Variants in BCORL1 observed in about 807,000 individuals in gnomAD.
The protein encoded by BCORL1 is BCL-6 corepressor-like protein 1.
BCORL1 carries 7 observed loss-of-function variants against 87.6 expected under a neutral mutation model. That is an observed-to-expected ratio of 0.08 (90% CI 0.05 to 0.15). The LOEUF (loss-of-function observed/expected upper bound fraction) is 0.15. Among genes scored for constraint, BCORL1 ranks in the 10% least tolerant of loss-of-function variants. The pLI is 1.00. For missense variants in BCORL1, 1,215 were observed against 1,499.7 expected, an observed-to-expected ratio of 0.81 and a Z score of 3.13; for synonymous variants, 591 against 634.4, an observed-to-expected ratio of 0.93 and a Z score of 1.03.
chrX:130,049,070 AC>A (rs1931924522), intron 11 of BCORL1, among the ~76,000 whole-genome samples: 1 of 112,405 alleles, frequency 8.9e-6, no homozygotes, highest in Admixed American at 9.4e-5. Context: ...GGCTATGTCC[AC>A]CTTTTGGCTG....
chrX:130,052,112 G>A, intron 13 of BCORL1, 96 bp downstream of exon 13: 3 of 907,437 alleles, frequency 3.3e-6, no homozygotes, highest in Non-Finnish European at 3.0e-6. Flanking sequence ...ACCTGGCAAC[G>A]AGTGCCATCA....
rs1025355511 is a variant in BCORL1 at position 130,013,576 on chromosome X, C to T, written c.804C>T (p.Leu268=). 3 of 1,209,308 alleles carry T rather than the reference C, an allele frequency of 2.5e-6. No homozygotes were observed. The highest frequency in any genetic ancestry group is 3.5e-5 in the African/African-American group (2 of 57,001). ...LAPAPPSVPT[L]ISDSNPLSVS... ...CAGCGCCACCGTCAGTGCCCACGCTCATCTCTGACTCGAACCCCCTTTCTG... is the reference window on the plus strand; with the variant it reads ...CAGCGCCACCGTCAGTGCCCACGCTTATCTCTGACTCGAACCCCCTTTCTG... The change falls in exon 4 of 14, where the codon CTC becomes CTT. Residue 268 remains leucine, a synonymous_variant. Coordinates refer to ENST00000540052, the MANE Select transcript of BCORL1 (RefSeq NM_001379451.1).
chrX:130,050,193 A>G (rs1569392730), intron 11 of BCORL1, among the ~76,000 whole-genome samples: 1 of 110,567 alleles, frequency 9.0e-6, no homozygotes, highest in Non-Finnish European at 1.9e-5. Flanking sequence ...GCACTTTGGG[A>G]GGCCGAGGTG....
chrX:130,039,022 C>T, intron 10 of BCORL1, 115 bp from the exon 11 acceptor site: 1 of 852,899 alleles, frequency 1.2e-6, no homozygotes, highest in Non-Finnish European at 1.7e-6. Flanking sequence ...AACCATATTA[C>T]ACCAAGGTTA....
At chrX:130,034,322 G>C in intron 8 of BCORL1, 133 bp from the exon 9 acceptor site, 1 of 405,914 alleles carries the variant, frequency 2.5e-6, no homozygotes, top group African/African-American at 2.6e-5. Flanking sequence ...GGCCATTTAG[G>C]GTAGTGTAAG....
chrX:129,998,018 T>TC lies in BCORL1; in HGVS notation c.-44-7167dup, dbSNP rs1420280082. Among the ~76,000 whole-genome samples the TC allele has an allele frequency of 8.5e-5, 9 of 105,284 alleles. 1 individual carries two copies. Among genetic ancestry groups the TC allele is most frequent in the Non-Finnish European group, 1.5e-4 (8 of 51,658 alleles). The allele number at this position is 105,284 out of a possible 115,157, so 91.4% of individuals were successfully genotyped here. On this transcript the variant is annotated intron_variant, in intron 1 of 13. Coordinates refer to ENST00000540052, the MANE Select transcript of BCORL1 (RefSeq NM_001379451.1). ...ATATATATATATATGTATTTTTTTT[T>TC]CCCAGCCACACTTATGGCTTTGGAT...
chrX:130,026,924 G>A (rs1361217677), intron 7 of BCORL1, among the ~76,000 whole-genome samples: 1 of 113,626 alleles, frequency 8.8e-6, no homozygotes, highest in Non-Finnish European at 1.9e-5. Context: ...ATTTGGCAAA[G>A]GCCAAATGAG....
rs1479275097 is a variant in BCORL1, at chrX:130,056,132, G to C, written c.5354G>C (p.Ser1785Thr). Residue 1785 changes from serine (S) to threonine (T), a missense_variant, in exon 14 of 14, where the codon AGT becomes ACT. By Grantham distance (58) the Ser-to-Thr change is moderately conservative. Coordinates refer to ENST00000540052, the MANE Select transcript of BCORL1 (RefSeq NM_001379451.1). ...GSEVEFQSCN[S>T] ...GAGGTGGAATTCCAGTCTTGCAACA[G>C]TTGACCGGGAAAACAGCCCCTCCTC... 1 of 1,165,703 alleles carries C rather than the reference G, an allele frequency of 8.6e-7. No individual in the cohort carries two copies. The highest frequency in any genetic ancestry group is 1.1e-6 in the Non-Finnish European group (1 of 871,405).
In BCORL1 at chrX:130,013,542, C is replaced by T. The variant is rs1039363927; in HGVS notation, c.770C>T (p.Ala257Val). 2.5e-6 allele frequency: 3 copies of T among 1,209,241 alleles called. No homozygotes were observed. The highest frequency in any genetic ancestry group is 2.2e-6 in the Non-Finnish European group (2 of 895,043). Reference sequence around the variant, plus strand: ...TCCCCTCCCTTAGCACCTGTCCCGGCTCTGGCTCCAGCGCCACCGTCAGTG... The same window carrying T: ...TCCCCTCCCTTAGCACCTGTCCCGGTTCTGGCTCCAGCGCCACCGTCAGTG... ...APSPPLAPVP[A>V]LAPAPPSVPT... The change falls in exon 4 of 14, where the codon GCT becomes GTT. Residue 257 changes from alanine to valine, a missense_variant. Ala to Val is a moderately conservative substitution (Grantham distance 64). This residue lies in a region of BCORL1 where 861 missense variants were observed against 1,010.0 expected (regional missense o/e 0.85). Transcript: ENST00000540052.
intron 1 of BCORL1, among the ~76,000 whole-genome samples, chrX:129,989,279 G>C (rs1305474500): frequency 1.9e-5 from 2 of 104,399 alleles, no homozygotes; most frequent in African/African-American, 7.0e-5. Flanking sequence ...GGGACTACAG[G>C]CGCCCGCCAC....
chrX:130,009,334 G>C lies in BCORL1; in HGVS notation c.87-3244G>C, dbSNP rs888692931. On this transcript the variant is annotated intron_variant, in intron 2 of 13. Transcript: ENST00000540052. ...ACAAAACTTAGCTGGGCGTGGTGGC[G>C]CATGCCTGTAATCCCAGCTACTCGG... Among the ~76,000 whole-genome samples the C allele has an allele frequency of 2.7e-5, 3 of 110,927 alleles. No individual in the cohort carries two copies. The Admixed American group carries it at 2.9e-4, about 11-fold the overall frequency.
rs1245711648 is a variant in BCORL1, at chrX:130,055,872, C to T, written c.5094C>T (p.Leu1698=). Residue 1698 remains leucine (L), a synonymous_variant, in exon 14 of 14, where the codon CTC becomes CTT. Transcript: ENST00000540052. ...SVSRGPCNWF[L]FSDVLKRLKL... is the part of the protein sequence containing the mutation. ...TTTGCAGGCCCTGCAACTGGTTCCT[C>T]TTTTCCGATGTCTTGAAGAGGCTGA... is the stretch of plus-strand genomic sequence containing the variant. 1 of 1,207,980 alleles carries T rather than the reference C, an allele frequency of 8.3e-7. No individual in the cohort carries two copies. The highest frequency in any genetic ancestry group is 3.0e-5 in the East Asian group (1 of 33,846).
chrX:130,041,775 C>T (rs749725302), intron 11 of BCORL1, among the ~76,000 whole-genome samples: 2 of 110,185 alleles, frequency 1.8e-5, no homozygotes, highest in Non-Finnish European at 3.8e-5. Context: ...TACAGGCACC[C>T]GCCACCAAGC....
At chrX:129,995,745 G>A (rs958374528) in intron 1 of BCORL1, among the ~76,000 whole-genome samples, 2 of 111,909 alleles carry the variant, frequency 1.8e-5, no homozygotes, top group African/African-American at 6.5e-5. Context: ...CGGCCAGAAC[G>A]GTTTAAATTG....
chrX:129,989,708 C>T (rs1926947773), intron 1 of BCORL1, among the ~76,000 whole-genome samples: 1 of 106,269 alleles, frequency 9.4e-6, no homozygotes, highest in South Asian at 4.2e-4. Flanking sequence ...CTGAAGTGAT[C>T]TGCCCACCTC....
chrX:130,054,869 C>T (rs1406214759), intron 13 of BCORL1, among the ~76,000 whole-genome samples: 1 of 110,680 alleles, frequency 9.0e-6, no homozygotes, highest in East Asian at 2.8e-4. Context: ...CGAGATTGCG[C>T]CACTGCACTC....
At chrX:130,008,991 A>G (rs1928737275) in intron 2 of BCORL1, among the ~76,000 whole-genome samples, 1 of 112,199 alleles carries the variant, frequency 8.9e-6, no homozygotes, top group Non-Finnish European at 1.9e-5. Context: ...TAGTTCTAGT[A>G]CATTGGTGGT....
intron 1 of BCORL1, among the ~76,000 whole-genome samples, chrX:129,989,883 T>G (rs1012400945): frequency 7.2e-5 from 8 of 110,527 alleles, no homozygotes; most frequent in African/African-American, 2.6e-4. Context: ...CCTCCCGGCT[T>G]CAAGCGATTC....
intron 3 of BCORL1, 114 bp from the exon 4 acceptor site, chrX:130,012,836 G>A (rs1191649281): frequency 3.6e-6 from 4 of 1,103,680 alleles, no homozygotes; most frequent in Non-Finnish European, 3.7e-6. Context: ...TGCGTCTTCC[G>A]AGACCTGGTT....
Sources: allele counts gnomAD v4.1 joint callset (sites outside exome capture counted in the v4.1 genomes callset), GRCh38; gene constraint gnomAD v4.1.1; regional missense constraint gnomAD v4.1.1; transcripts MANE v1.5; gene names NCBI Gene and HGNC (gene_info 2026-07-23, HGNC 2026-07-21).